Variants in NPLOC4 observed in about 807,000 individuals in gnomAD.
NPLOC4 encodes the protein nuclear protein localization protein 4 homolog.
NPLOC4 carries 18 observed loss-of-function variants against 80.6 expected under a neutral mutation model. The ratio of observed to expected loss-of-function variants is 0.22; its 90% CI spans 0.15 to 0.33. The LOEUF is 0.33. NPLOC4 is among the 10% of genes least tolerant of loss of function. NPLOC4 has a pLI of 1.00. For missense variants in NPLOC4, 540 were observed against 786.1 expected, an observed-to-expected ratio of 0.69 and a Z score of 3.74; for synonymous variants, 313 against 301.5, an observed-to-expected ratio of 1.04 and a Z score of -0.39.
At chr17:81,582,453 G>A (rs1477191147) in intron 12 of NPLOC4, among the ~76,000 whole-genome samples, 8 of 152,232 alleles carry the variant, frequency 5.3e-5, no homozygotes, top group Admixed American at 1.3e-4. Flanking sequence ...CCAGGCTGGA[G>A]TACAGTGGTA....
intron 2 of NPLOC4, among the ~76,000 whole-genome samples, chr17:81,628,608 TAC>T: frequency 1.3e-5 from 2 of 152,060 alleles, no homozygotes; most frequent in Non-Finnish European, 2.9e-5. Flanking sequence ...CAAACCTACC[TAC>T]AACAAAGGCT....
intron 6 of NPLOC4, 121 bp from the exon 7 acceptor site, chr17:81,606,935 G>A (rs1161561300): frequency 4.6e-6 from 4 of 863,430 alleles, no homozygotes; most frequent in Admixed American, 2.1e-5. Context: ...GCACGTGGCA[G>A]CAGCAGGGAA....
intron 12 of NPLOC4, among the ~76,000 whole-genome samples, chr17:81,579,914 G>A (rs1598630100): frequency 1.4e-5 from 2 of 145,434 alleles, no homozygotes; most frequent in African/African-American, 2.5e-5. Context: ...ATTCTCCTCT[G>A]TGAGCTCACT....
At chr17:81,610,083 A>C in intron 5 of NPLOC4, 127 bp downstream of exon 5, 1 of 750,754 alleles carries the variant, frequency 1.3e-6, no homozygotes, top group Non-Finnish European at 2.2e-6. Flanking sequence ...GCCCAGGGCA[A>C]TAAATAGGTA....
intron 10 of NPLOC4, among the ~76,000 whole-genome samples, chr17:81,596,841 A>C (rs1343303011): frequency 6.6e-6 from 1 of 152,102 alleles, no homozygotes. Context: ...AGGGCTGGGC[A>C]TGGTGGCTCA....
intron 3 of NPLOC4, among the ~76,000 whole-genome samples, chr17:81,617,598 G>A (rs1053022533): frequency 2.0e-5 from 3 of 152,002 alleles, no homozygotes; most frequent in African/African-American, 7.3e-5. Context: ...TCACAAGGTC[G>A]GGAGATCGAG....
Position 81,572,200 on chromosome 17 carries a change from A to C in NPLOC4, c.1282-112T>G, listed in dbSNP as rs537393322. The C allele has an allele frequency of 6.1e-6, 3 of 490,524 alleles. No homozygotes were observed. The highest frequency in any genetic ancestry group is 1.4e-4 in the South Asian group (2 of 14,378). 30.4% of individuals were successfully genotyped at this position (490,524 alleles called of 1,614,324 possible). On this transcript the variant is annotated intron_variant, in intron 12 of 16. Transcript: ENST00000331134. This position sits in a 1 kb window ranked among gnomAD's most constrained non-coding sequence, Gnocchi z 4.5. ...AATTAATTAATTTATTTATTTATTT[A>C]TTTTTTGAGACAGAGTCTTGTGCTG...
At position 81,580,521 on chromosome 17, in the gene NPLOC4, AC is replaced by A. The variant is rs2034409844; in HGVS notation, c.1281+8422del. Among the ~76,000 whole-genome samples the A allele has an allele frequency of 6.6e-6, 1 of 151,204 alleles. No individual in the cohort carries two copies. The highest frequency in any genetic ancestry group is 2.4e-5 in the African/African-American group (1 of 41,062). On this transcript the variant is annotated intron_variant, in intron 12 of 16. Coordinates refer to ENST00000331134, the MANE Select transcript of NPLOC4 (RefSeq NM_017921.4). This position sits in a 1 kb window ranked among gnomAD's most constrained non-coding sequence, Gnocchi z 4.4. Reference sequence around the variant, plus strand: ...GCTTCCAAGGGCCCCTCCCACCTCTACCCCAGCAGGCCACCCTGCTTATCAC... The same window carrying A: ...GCTTCCAAGGGCCCCTCCCACCTCTACCCAGCAGGCCACCCTGCTTATCAC...
intron 16 of NPLOC4, 68 bp from the exon 17 acceptor site, chr17:81,559,484 T>C (rs535559042): frequency 3.4e-5 from 51 of 1,511,464 alleles, no homozygotes; most frequent in African/African-American, 1.2e-4. Flanking sequence ...AGTGTGGGCA[T>C]GGGGGCAGGG....
chr17:81,559,407 C>T lies in NPLOC4; in HGVS notation c.1679G>A (p.Gly560Asp). The T allele has an allele frequency of 6.2e-7, 1 of 1,609,862 alleles. No homozygotes were observed. The highest frequency in any genetic ancestry group is 8.5e-7 in the Non-Finnish European group (1 of 1,178,314). Residue 560 changes from glycine (G) to aspartate (D), a missense_variant, in exon 17 of 17, where the codon GGC becomes GAC. Gly to Asp is a moderately conservative substitution (Grantham distance 94, BLOSUM62 -1). This residue lies in a region of NPLOC4 where 87 missense variants were observed against 70.3 expected (regional missense o/e 1.24). Transcript: ENST00000331134. ...CTCATGGAGACCTGGGAGCTGCCCG[C>T]CAACTGTGCCTGCAGGGTGGAAGAG... ...ATIEQLCSTV[G>D]GQLPGLHEYG... is the part of the protein sequence containing the mutation.
chr17:81,581,375 A>AGTC (rs71367066), intron 12 of NPLOC4, among the ~76,000 whole-genome samples: 28,612 of 72,296 alleles, frequency 0.4, 10,213 homozygotes, highest in Non-Finnish European at 0.53. Flanking sequence ...AAAAAAAAAA[A>AGTC]AGTTAATAAA....
chr17:81,585,170 C>CAAAA (rs35473939), intron 12 of NPLOC4, among the ~76,000 whole-genome samples: 4,461 of 40,816 alleles, frequency 0.11, 1,020 homozygotes, highest in Admixed American at 0.2. Flanking sequence ...ACTCTGTCGC[C>CAAAA]AAAAAAAAAA....
chr17:81,604,492 G>A lies in NPLOC4; in HGVS notation c.834+56C>T, dbSNP rs562472553. 493 of 1,535,044 alleles carry A rather than the reference G, an allele frequency of 3.2e-4. 1 individual carries two copies. Among genetic ancestry groups the A allele is most frequent in the Middle Eastern group, 6.7e-4 (3 of 4,456 alleles). Reference sequence around the variant, plus strand: ...CAGGGCAAGGCCTCTCCGAAAGGGCGTCCCCCACAGCCTCCAAACACAGAA... The same window carrying A: ...CAGGGCAAGGCCTCTCCGAAAGGGCATCCCCCACAGCCTCCAAACACAGAA... On this transcript the variant is annotated intron_variant, in intron 8 of 16. Coordinates refer to ENST00000331134, the MANE Select transcript of NPLOC4 (RefSeq NM_017921.4).
At chr17:81,579,633 T>C (rs938861153) in intron 12 of NPLOC4, among the ~76,000 whole-genome samples, 4 of 152,084 alleles carry the variant, frequency 2.6e-5, no homozygotes, top group Admixed American at 2.6e-4. Flanking sequence ...CTGACCTGTC[T>C]CCAGATGCCC....
At chr17:81,616,471 C>T (rs2035492577) in intron 3 of NPLOC4, among the ~76,000 whole-genome samples, 1 of 151,968 alleles carries the variant, frequency 6.6e-6, no homozygotes, top group African/African-American at 2.4e-5. Flanking sequence ...TGGCTCACAC[C>T]TGTAATCCCA....
chr17:81,569,018 G>A lies in NPLOC4; in HGVS notation c.1447C>T (p.Gln483Ter). The change falls in exon 14 of 17, where the codon CAG (glutamine) becomes TAG (stop). Residue 483 changes from glutamine (Q) to a stop codon, truncating the protein, a stop_gained and splice_region_variant. Coordinates refer to ENST00000331134, the MANE Select transcript of NPLOC4 (RefSeq NM_017921.4). LOFTEE classifies it high-confidence loss of function. ...GTTTCTAAAGACAAAGAGCTCACCT[G>A]TGTCTCACCCAATACATCCCGGTTT... ...IENRDVLGET[Q>*]DFHSLATYLS... 1 of 1,584,002 alleles carries A rather than the reference G, an allele frequency of 6.3e-7. No individual in the cohort carries two copies. The highest frequency in any genetic ancestry group is 8.7e-7 in the Non-Finnish European group (1 of 1,152,750).
chr17:81,583,602 T>C (rs1452176261), intron 12 of NPLOC4, among the ~76,000 whole-genome samples: 1 of 152,210 alleles, frequency 6.6e-6, no homozygotes, highest in Non-Finnish European at 1.5e-5. Context: ...CACAGGACTA[T>C]GTGTACACCC....
intron 2 of NPLOC4, among the ~76,000 whole-genome samples, chr17:81,626,345 T>C (rs1241492221): frequency 6.9e-6 from 1 of 144,064 alleles, no homozygotes; most frequent in African/African-American, 2.6e-5. Context: ...AGAATGAAAA[T>C]AGAACAGAAA....
chr17:81,625,797 T>TG (rs1037143941), intron 2 of NPLOC4, among the ~76,000 whole-genome samples: 1 of 151,016 alleles, frequency 6.6e-6, no homozygotes, highest in African/African-American at 2.4e-5. Flanking sequence ...GGCAGAGATT[T>TG]GGGGAAAAAA....
Sources: gnomAD v4.1 joint callset for allele counts (sites outside exome capture counted in the v4.1 genomes callset) on GRCh38, gnomAD v4.1.1 for gene constraint, gnomAD v4.1.1 regional missense constraint, Gnocchi (gnomAD v3.1) non-coding constraint, MANE v1.5 for transcripts, NCBI Gene and HGNC (gene_info 2026-07-23, HGNC 2026-07-21) for gene names.